INIP: variants seen among roughly 807,000 people sequenced by gnomAD.
The protein encoded by INIP is SOSS complex subunit C.
In INIP, 9 loss-of-function variants were observed where a neutral mutation model predicts 14.0. The observed-to-expected ratio is 0.64, with a 90% CI of 0.39 to 1.12. INIP has a LOEUF of 1.12. Ranked by LOEUF, INIP falls within the 50% of genes most tolerant of loss-of-function variation. The pLI is 0.01. For synonymous variants in INIP, 37 were observed against 41.5 expected (o/e 0.89, Z 0.41); for missense variants, 78 against 122.7 (o/e 0.64, Z 1.72).
intron 2 of INIP, among the ~76,000 whole-genome samples, chr9:112,705,180 C>T (rs1253455444): frequency 7.1e-6 from 1 of 140,950 alleles, no homozygotes; most frequent in Non-Finnish European, 1.6e-5. Flanking sequence ...TTTTAAAATA[C>T]ATTTAAGTAA....
intron 3 of INIP, among the ~76,000 whole-genome samples, chr9:112,692,271 T>C (rs1473935609): frequency 6.6e-6 from 1 of 152,112 alleles, no homozygotes; most frequent in Admixed American, 6.6e-5. Flanking sequence ...TGGTGGTGGC[T>C]GAAGGGGATA....
At chr9:112,702,288 G>T (rs1456888914) in intron 2 of INIP, among the ~76,000 whole-genome samples, 3 of 152,082 alleles carry the variant, frequency 2.0e-5, no homozygotes, top group Admixed American at 6.6e-5. Flanking sequence ...ATTATATGAA[G>T]TACAGCCAAC....
In INIP at chr9:112,700,669, T is replaced by A. The variant is rs139390230; in HGVS notation, c.26-6436A>T. Among the ~76,000 whole-genome samples the A allele has an allele frequency of 2.4e-3, 369 of 151,490 alleles. 5 individuals carry two copies. Among genetic ancestry groups the A allele is most frequent in the African/African-American group, 8.6e-3 (355 of 41,428 alleles). ...TTTTCTACCTACAAAAACAATTTTA[T>A]AAGATTCATCAACTTTTTAAAAAAT... is the stretch of plus-strand genomic sequence containing the variant. On this transcript the variant is annotated intron_variant, in intron 2 of 4. Coordinates refer to ENST00000374242, the MANE Select transcript of INIP (RefSeq NM_021218.3).
chr9:112,694,919 T>TA (rs1433402218), intron 2 of INIP, among the ~76,000 whole-genome samples: 1 of 152,186 alleles, frequency 6.6e-6, no homozygotes, highest in Non-Finnish European at 1.5e-5. Flanking sequence ...AGATATAGGG[T>TA]AGAGGTTGCC....
Position 112,716,476 on chromosome 9 carries a change from T to C in INIP, c.10A>G (p.Asn4Asp). 6.2e-7 allele frequency: 1 copy of C among 1,613,840 alleles called. No homozygotes were observed. Among genetic ancestry groups the C allele is most frequent in the African/African-American group, 1.3e-5 (1 of 75,054 alleles). Reference sequence around the variant, plus strand: ...CTGTCATTACCTTGTCCTGAAGAGTTTGCTGCCATTTTCCTATTTTGTTTC... The same window carrying C: ...CTGTCATTACCTTGTCCTGAAGAGTCTGCTGCCATTTTCCTATTTTGTTTC... Reference protein sequence around the residue: MAANSSGQGFQNKN... With the variant: MAADSSGQGFQNKN... The change falls in exon 2 of 5, where the codon AAC (asparagine) becomes GAC (aspartate). Residue 4 changes from asparagine to aspartate, a missense_variant. Physicochemically the swap from Asn to Asp is conservative, Grantham distance 23. Transcript: ENST00000374242.
chr9:112,698,322 A>G (rs1030727397), intron 2 of INIP, among the ~76,000 whole-genome samples: 2 of 151,268 alleles, frequency 1.3e-5, no homozygotes, highest in African/African-American at 4.8e-5. Context: ...AAAAAAAAAA[A>G]AAAAAAGAAA....
chr9:112,694,062 G>A (rs1463297327), intron 3 of INIP, 69 bp downstream of exon 3: 7 of 1,051,666 alleles, frequency 6.7e-6, no homozygotes, highest in African/African-American at 4.9e-5. Context: ...GGGACAGGGC[G>A]AGACTCCGTC....
At chr9:112,714,008 C>T (rs1161509788) in intron 2 of INIP, among the ~76,000 whole-genome samples, 1 of 150,024 alleles carries the variant, frequency 6.7e-6, no homozygotes, top group African/African-American at 2.4e-5. Context: ...AAAGTACCTG[C>T]AAAAGAGACT....
intron 2 of INIP, among the ~76,000 whole-genome samples, chr9:112,696,513 C>A (rs1032622143): frequency 5.9e-5 from 9 of 152,200 alleles, no homozygotes; most frequent in African/African-American, 2.2e-4. Flanking sequence ...CCAAGCAATT[C>A]TTCAGTGGAC....
At chr9:112,716,855 C>T (rs963447760) in intron 1 of INIP, among the ~76,000 whole-genome samples, 1 of 150,820 alleles carries the variant, frequency 6.6e-6, no homozygotes, top group Non-Finnish European at 1.5e-5. Context: ...CTCGGGAGGG[C>T]GAGACGGGAG....
At chr9:112,697,147 A>G (rs1320889075) in intron 2 of INIP, among the ~76,000 whole-genome samples, 1 of 152,184 alleles carries the variant, frequency 6.6e-6, no homozygotes, top group Non-Finnish European at 1.5e-5. Context: ...ACATTGAACA[A>G]AAGATGCTCC....
intron 2 of INIP, 37 bp from the exon 3 acceptor site, chr9:112,694,270 G>A: frequency 1.6e-6 from 2 of 1,257,206 alleles, no homozygotes; most frequent in South Asian, 1.2e-5. Context: ...AAGGGAGAAA[G>A]AGAGAGTAAT....
intron 2 of INIP, among the ~76,000 whole-genome samples, chr9:112,703,853 A>G (rs1838375099): frequency 6.6e-6 from 1 of 152,242 alleles, no homozygotes. Flanking sequence ...TAATAATTAC[A>G]GCTAAGTGGA....
At chr9:112,700,567 T>C in intron 2 of INIP, among the ~76,000 whole-genome samples, 1 of 147,470 alleles carries the variant, frequency 6.8e-6, no homozygotes, top group East Asian at 1.9e-4. Context: ...TTATATAATA[T>C]ATAATATAAA....
At chr9:112,692,893 TAGCC>T (rs1837941612) in intron 3 of INIP, among the ~76,000 whole-genome samples, 1 of 151,348 alleles carries the variant, frequency 6.6e-6, no homozygotes, top group African/African-American at 2.4e-5. Flanking sequence ...ACAAAAAAAT[TAGCC>T]AGGTATGGTA....
intron 2 of INIP, among the ~76,000 whole-genome samples, chr9:112,702,290 A>G (rs536313835): frequency 6.6e-6 from 1 of 152,336 alleles, no homozygotes; most frequent in Non-Finnish European, 1.5e-5. Context: ...TATATGAAGT[A>G]CAGCCAACAA....
intron 2 of INIP, among the ~76,000 whole-genome samples, chr9:112,698,165 GT>G (rs1207094522): frequency 1.3e-5 from 2 of 151,970 alleles, no homozygotes; most frequent in East Asian, 3.9e-4. Flanking sequence ...TTAGCTGGGC[GT>G]GGTGGCGCGT....
At chr9:112,695,725 AGAAGAAGAG>A (rs922758050) in intron 2 of INIP, among the ~76,000 whole-genome samples, 1 of 144,700 alleles carries the variant, frequency 6.9e-6, no homozygotes, top group African/African-American at 2.5e-5. Flanking sequence ...TCATTAAAAA[AGAAGAAGAG>A]GAAGAAGAGG....
chr9:112,692,580 G>A (rs987856956), intron 3 of INIP, among the ~76,000 whole-genome samples: 20 of 151,908 alleles, frequency 1.3e-4, no homozygotes, highest in Admixed American at 1.1e-3. Context: ...CACCATGCCC[G>A]GCAATAATGG....
Sources: gnomAD v4.1 joint callset for allele counts (sites outside exome capture counted in the v4.1 genomes callset) on GRCh38, gnomAD v4.1.1 for gene constraint, MANE v1.5 for transcripts, NCBI Gene and HGNC (gene_info 2026-07-23, HGNC 2026-07-21) for gene names.